Variants in HERC1 observed in about 807,000 individuals in gnomAD.
HERC1 encodes the protein probable E3 ubiquitin-protein ligase HERC1.
In HERC1, 160 loss-of-function variants were observed where a neutral mutation model predicts 554.3. The ratio of observed to expected loss-of-function variants is 0.29; its 90% CI spans 0.25 to 0.33. The LOEUF (loss-of-function observed/expected upper bound fraction) is 0.33, where lower values mean the gene tolerates loss of function less well. HERC1 is among the 10% of genes least tolerant of loss of function. The probability of loss-of-function intolerance (pLI) is 1.00; values close to 1 mark genes in which losing one functional copy is unlikely to be tolerated. For synonymous variants in HERC1, 2,175 were observed against 2,131.7 expected, an observed-to-expected ratio of 1.02 and a Z score of -0.56; for missense variants, 4,919 against 5,918.5, an observed-to-expected ratio of 0.83 and a Z score of 5.54.
chr15:63,694,932 A>C lies in HERC1; in HGVS notation c.5122-38T>G. On this transcript the variant is annotated intron_variant, in intron 27 of 77. Transcript: ENST00000443617. This position sits in a 1 kb window ranked among gnomAD's most constrained non-coding sequence, Gnocchi z 4.3. The stretch of plus-strand genomic sequence containing the variant: ...TAAAGAATTACTTTTTCTATTAGCA[A>C]CAATAATACCTGCTTGCAAAAAGAA... The C allele has an allele frequency of 6.3e-7, 1 of 1,581,636 alleles. No individual in the cohort carries two copies. The highest frequency in any genetic ancestry group is 1.1e-5 in the South Asian group (1 of 87,282).
At chr15:63,773,928 A>C (rs1195361426) in intron 2 of HERC1, among the ~76,000 whole-genome samples, 1 of 152,192 alleles carries the variant, frequency 6.6e-6, no homozygotes, top group African/African-American at 2.4e-5. Flanking sequence ...GAAATTGATT[A>C]TACTACGCTA....
Position 63,666,472 on chromosome 15 carries a change from G to T in HERC1, c.8207C>A (p.Ala2736Asp). ...SQSARPANRT[A>D]LSDPSSRLST... ...AAGTCTACTGCTTGGGTCTGACAAG[G>T]CTGAGACAAAAGGAAGAGAAATAAG... Residue 2736 changes from alanine (A) to aspartate (D), a missense_variant and splice_region_variant, in exon 41 of 78, where the codon GCC becomes GAC. Around this residue, in one of 11 missense-constraint regions of HERC1, gnomAD observed 1,963 missense variants for 2,228.6 expected, o/e 0.88. Coordinates refer to ENST00000443617, the MANE Select transcript of HERC1 (RefSeq NM_003922.4). 1.3e-6 allele frequency: 2 copies of T among 1,584,114 alleles called. No individual in the cohort carries two copies. The highest frequency in any genetic ancestry group is 1.7e-6 in the Non-Finnish European group (2 of 1,159,928).
rs757569399 is a variant in HERC1, at chr15:63,775,030, T to G, written c.594A>C (p.Glu198Asp). The change falls in exon 2 of 78, where the codon GAA becomes GAC. Residue 198 changes from glutamate (E) to aspartate (D), a missense_variant. This residue lies in a region of HERC1 where 744 missense variants were observed against 1,090.0 expected (regional missense o/e 0.68). Transcript: ENST00000443617. The surrounding 1 kb of genome is among the most constrained non-coding windows in gnomAD (Gnocchi z 4.0). ...ATAATGGTGGCAAAGAGCTCACAAC[T>G]TCAATTGCAGTATGAATGACATCGT... ...LCNDVIHTAI[E>D]VVSSLPPLSL... 1 of 1,614,022 alleles carries G rather than the reference T, an allele frequency of 6.2e-7. No homozygotes were observed. Among genetic ancestry groups the G allele is most frequent in the Non-Finnish European group, 8.5e-7 (1 of 1,179,880 alleles).
At chr15:63,661,125 G>T in intron 45 of HERC1, 100 bp from the exon 46 acceptor site, 1 of 849,090 alleles carries the variant, frequency 1.2e-6, no homozygotes, top group Non-Finnish European at 2.0e-6. Flanking sequence ...CATTAATAAA[G>T]CAGCACAAAA....
In HERC1 at chr15:63,755,331, T is replaced by G; in HGVS notation, c.1534-6A>C. 6.2e-7 allele frequency: 1 copy of G among 1,605,574 alleles called. No individual in the cohort carries two copies. The highest frequency in any genetic ancestry group is 1.1e-5 in the South Asian group (1 of 90,890). ...GCTGACACACAAACAACTACCTGCA[T>G]TGCACACAAGTAAATACGATGAGTA... is the stretch of plus-strand genomic sequence containing the variant. On this transcript the variant is annotated splice_polypyrimidine_tract_variant and splice_region_variant and intron_variant, in intron 5 of 77. Transcript: ENST00000443617.
At chr15:63,794,743 A>G (rs1379417011) in intron 1 of HERC1, among the ~76,000 whole-genome samples, 2 of 152,024 alleles carry the variant, frequency 1.3e-5, no homozygotes, top group Non-Finnish European at 2.9e-5. Flanking sequence ...TAAGATCCCT[A>G]CTTTCCCACT....
At chr15:63,643,598 T>C in intron 57 of HERC1, 48 bp from the exon 58 acceptor site, 2 of 1,388,064 alleles carry the variant, frequency 1.4e-6, no homozygotes, top group Non-Finnish European at 2.0e-6. Context: ...ATAAATTATA[T>C]AAGTTCAAGA....
intron 38 of HERC1, among the ~76,000 whole-genome samples, chr15:63,672,944 T>C (rs2071012014): frequency 6.6e-6 from 1 of 152,186 alleles, no homozygotes; most frequent in Non-Finnish European, 1.5e-5. Context: ...ACATTTCTGT[T>C]TTTAGAGAAG....
intron 3 of HERC1, among the ~76,000 whole-genome samples, chr15:63,761,815 T>C (rs2075621085): frequency 6.6e-6 from 1 of 152,188 alleles, no homozygotes; most frequent in South Asian, 2.1e-4. Flanking sequence ...CATCCTTGTA[T>C]CTTTGGGAAT....
At chr15:63,766,531 A>G (rs941709131) in intron 2 of HERC1, among the ~76,000 whole-genome samples, 2 of 152,294 alleles carry the variant, frequency 1.3e-5, no homozygotes, top group Non-Finnish European at 1.5e-5. Context: ...GAGGTTGCAG[A>G]TCGCACCACT....
Position 63,612,059 on chromosome 15 carries a change from G to A in HERC1, c.14400+192C>T, listed in dbSNP as rs538193188. Among the ~76,000 whole-genome samples, 9 of 152,260 alleles carry A rather than the reference G, an allele frequency of 5.9e-5. No individual in the cohort carries two copies. In the East Asian group the frequency reaches 1.2e-3, roughly 20 times the overall value. On this transcript the variant is annotated intron_variant, in intron 77 of 77. Transcript: ENST00000443617. This position sits in a 1 kb window ranked among gnomAD's most constrained non-coding sequence, Gnocchi z 5.0. Reference sequence around the variant, plus strand: ...AAAAATTAGCCAGGCGTGGTGGCACGCACCTGTAGTCCCAGCTACTGCGGA... The same window carrying A: ...AAAAATTAGCCAGGCGTGGTGGCACACACCTGTAGTCCCAGCTACTGCGGA...
At chr15:63,815,089 T>C (rs940849118) in intron 1 of HERC1, among the ~76,000 whole-genome samples, 2 of 152,204 alleles carry the variant, frequency 1.3e-5, no homozygotes, top group South Asian at 4.1e-4. Context: ...CCTAGAAGTA[T>C]ACCTTGTTTT....
intron 46 of HERC1, 114 bp downstream of exon 46, chr15:63,660,859 A>G: frequency 1.6e-6 from 1 of 632,500 alleles, no homozygotes; most frequent in South Asian, 2.1e-5. Flanking sequence ...TTAAGTTAAC[A>G]TGTACACAAA....
intron 1 of HERC1, among the ~76,000 whole-genome samples, chr15:63,794,849 T>C (rs2076762941): frequency 6.6e-6 from 1 of 152,014 alleles, no homozygotes; most frequent in African/African-American, 2.4e-5. Context: ...GCGGATCACC[T>C]GAGGTCAGGA....
At chr15:63,739,195 C>CTTTTTTTTTTTT (rs1205943240) in intron 12 of HERC1, among the ~76,000 whole-genome samples, 1 of 102,276 alleles carries the variant, frequency 9.8e-6, no homozygotes, top group Non-Finnish European at 1.9e-5. Context: ...CACTAATATA[C>CTTTTTTTTTTTT]TTTTTTTTTT....
At chr15:63,700,105 C>T (rs1004190141) in intron 25 of HERC1, among the ~76,000 whole-genome samples, 2 of 152,018 alleles carry the variant, frequency 1.3e-5, no homozygotes, top group African/African-American at 4.8e-5. Flanking sequence ...TTTATTATTT[C>T]CTTGTTTTTA....
intron 34 of HERC1, among the ~76,000 whole-genome samples, chr15:63,683,135 C>CAAAAAA (rs1336396917): frequency 1.3e-5 from 1 of 77,710 alleles, no homozygotes; most frequent in Non-Finnish European, 2.4e-5. Context: ...CACTCTGTCT[C>CAAAAAA]AAAAAAAAAA....
chr15:63,610,990 G>A (rs758348581), intron 77 of HERC1, among the ~76,000 whole-genome samples: 1 of 152,178 alleles, frequency 6.6e-6, no homozygotes, highest in African/African-American at 2.4e-5. Context: ...CTTCAGCAAT[G>A]GTAGGGGCAC....
rs1449563628 is a variant in HERC1, at chr15:63,615,819, C to T, written c.14043G>A (p.Lys4681=). 2.5e-6 allele frequency: 4 copies of T among 1,608,538 alleles called. No homozygotes were observed. The African/African-American group carries it at 5.4e-5, about 22-fold the overall frequency. Residue 4681 remains lysine, a synonymous_variant, in exon 76 of 78, where the codon AAG becomes AAA. Transcript: ENST00000443617. ...NSIPLTFSNR[K]EYVERAIEYR... Reference sequence around the variant, plus strand: ...ATTCAATGGCCCTCTCCACATATTCCTTCCTGTTGGAAAATGTGAGTGGGA... The same window carrying T: ...ATTCAATGGCCCTCTCCACATATTCTTTCCTGTTGGAAAATGTGAGTGGGA...
Sources: allele counts gnomAD v4.1 joint callset (sites outside exome capture counted in the v4.1 genomes callset), GRCh38; gene constraint gnomAD v4.1.1; regional missense constraint gnomAD v4.1.1; non-coding constraint Gnocchi (gnomAD v3.1); transcripts MANE v1.5; gene names NCBI Gene and HGNC (gene_info 2026-07-23, HGNC 2026-07-21).